Variants in NSUN6 observed in about 807,000 individuals in gnomAD.
NSUN6 encodes NOP2/Sun RNA methyltransferase 6, also known as tRNA (cytosine(72)-C(5))-methyltransferase NSUN6.
Under a neutral mutation model 58.0 loss-of-function variants are expected in NSUN6, and 64 were observed. The observed-to-expected ratio is 1.10, with a 90% confidence interval of 0.90 to 1.36. The LOEUF (loss-of-function observed/expected upper bound fraction) is 1.36, where lower values mean the gene tolerates loss of function less well. Ranked by LOEUF, NSUN6 falls within the 40% of genes most tolerant of loss-of-function variation. The pLI, the probability that NSUN6 is intolerant of heterozygous loss-of-function variation, is 0.00. For missense variants in NSUN6, 701 were observed against 550.1 expected, an observed-to-expected ratio of 1.27 and a Z score of -2.74; for synonymous variants, 231 against 193.9, an observed-to-expected ratio of 1.19 and a Z score of -1.59.
At chr10:18,649,201 C>T (rs958253354) in intron 1 of NSUN6, among the ~76,000 whole-genome samples, 1 of 152,068 alleles carries the variant, frequency 6.6e-6, no homozygotes, top group African/African-American at 2.4e-5. Context: ...TATATATTAT[C>T]CAAAAAAGAT....
rs542048960 is a variant in NSUN6, at chr10:18,553,324, T to G, written c.923-1353A>C. Reference sequence around the variant, plus strand: ...CCATTCCATGGAATGGAATGGGGAATGGTATGGAATGAAATGCAGAATGGA... The same window carrying G: ...CCATTCCATGGAATGGAATGGGGAAGGGTATGGAATGAAATGCAGAATGGA... On this transcript the variant is annotated intron_variant, in intron 8 of 10. Coordinates refer to ENST00000377304, the MANE Select transcript of NSUN6 (RefSeq NM_182543.5). Among the ~76,000 whole-genome samples, 5 of 150,622 alleles carry G rather than the reference T, an allele frequency of 3.3e-5. No individual in the cohort carries two copies. The South Asian group carries it at 1.0e-3, about 31-fold the overall frequency.
chr10:18,570,609 TTCCATTCCATTC>T lies in NSUN6; in HGVS notation c.922+15328_922+15339del, dbSNP rs569214617. 4.2e-3 allele frequency among the ~76,000 whole-genome samples: 574 copies of T among 137,202 alleles called. 4 individuals are homozygous for T. The highest frequency in any genetic ancestry group is 0.013 in the African/African-American group (522 of 40,118). 90.0% of individuals were successfully genotyped at this position (137,202 alleles called of 152,430 possible). On this transcript the variant is annotated intron_variant, in intron 8 of 10. Coordinates refer to ENST00000377304, the MANE Select transcript of NSUN6 (RefSeq NM_182543.5). ...ATTCTCCATTCCATTCCACTGTCCATTCCATTCCATTCTCCATTCCATTCCATTCTCCATACC... is the reference window on the plus strand; with the variant it reads ...ATTCTCCATTCCATTCCACTGTCCATTCCATTCCATTCCATTCTCCATACC...
intron 3 of NSUN6, among the ~76,000 whole-genome samples, chr10:18,624,516 C>T (rs1045661449): frequency 3.3e-5 from 5 of 151,180 alleles, no homozygotes; most frequent in Admixed American, 6.6e-5. Flanking sequence ...ATTAGCCGGG[C>T]ATGGTGGCAG....
chr10:18,649,151 G>C (rs1376937366), intron 1 of NSUN6, among the ~76,000 whole-genome samples: 1 of 152,018 alleles, frequency 6.6e-6, no homozygotes, highest in Non-Finnish European at 1.5e-5. Context: ...ATTCCCCTAG[G>C]ACATCAGCTT....
intron 8 of NSUN6, among the ~76,000 whole-genome samples, chr10:18,582,845 T>A (rs530188607): frequency 9.5e-4 from 145 of 152,284 alleles, no homozygotes; most frequent in African/African-American, 3.2e-3. Context: ...GCTGAAGGAA[T>A]ACAGTTTACT....
At chr10:18,658,685 C>T, upstream of NSUN6, 1 of 981,450 alleles carries the variant, frequency 1.0e-6, no homozygotes. Flanking sequence ...GGCTCGTCTC[C>T]CAATCAATTC....
At chr10:18,586,129 A>G (rs1052587602) in intron 7 of NSUN6, 36 bp from the exon 8 acceptor site, 1 of 1,489,956 alleles carries the variant, frequency 6.7e-7, no homozygotes, top group Admixed American at 2.4e-5. Flanking sequence ...GCAGAAAAAA[A>G]AAAAGAAAAT....
intron 7 of NSUN6, among the ~76,000 whole-genome samples, chr10:18,595,999 A>T (rs911000845): frequency 2.0e-5 from 3 of 152,214 alleles, no homozygotes; most frequent in African/African-American, 7.2e-5. Context: ...CATATAAGCA[A>T]ATTGTAAAAT....
chr10:18,642,606 C>CA, intron 2 of NSUN6, 51 bp from the exon 3 acceptor site: 1 of 903,594 alleles, frequency 1.1e-6, no homozygotes, highest in Non-Finnish European at 1.8e-6. Context: ...TGATACATTT[C>CA]AACTTATGGA....
At chr10:18,584,283 C>T (rs1023367193) in intron 8 of NSUN6, among the ~76,000 whole-genome samples, 2 of 152,220 alleles carry the variant, frequency 1.3e-5, no homozygotes, top group Non-Finnish European at 2.9e-5. Flanking sequence ...GCCCTGCCCT[C>T]GTTCACTTCC....
rs758406418 is a variant in NSUN6 at position 18,648,642 on chromosome 10, C to T, written c.79G>A (p.Val27Met). The T allele has an allele frequency of 3.9e-6, 6 of 1,544,692 alleles. No homozygotes were observed. In the East Asian group the frequency reaches 1.0e-4, roughly 26 times the overall value. Residue 27 changes from valine to methionine, a missense_variant, in exon 2 of 11, where the codon GTG (valine) becomes ATG (methionine). Val to Met is a conservative substitution (Grantham distance 21). Transcript: ENST00000377304. ...LKEGFMNKEI[V>M]TALGKQEAER... ...GCTTCTTGTTTACCTAAAGCAGTCA[C>T]AATCTAAAAAGAAGTTCATGTTTAA...
Position 18,602,240 on chromosome 10 carries a change from GT to G in NSUN6, c.658-5914del, listed in dbSNP as rs1010976107. Among the ~76,000 whole-genome samples, 72 of 135,666 alleles carry G rather than the reference GT, an allele frequency of 5.3e-4. 1 individual carries two copies. The highest frequency in any genetic ancestry group is 4.9e-3 in the East Asian group (22 of 4,534). 89.0% of individuals were successfully genotyped at this position (135,666 alleles called of 152,430 possible). Reference sequence around the variant, plus strand: ...ACCACACCCAGCTAATTTTTGTGGGGTTTTTTTTTTTGTTTTTTTTTGAGAC... The same window carrying G: ...ACCACACCCAGCTAATTTTTGTGGGGTTTTTTTTTTGTTTTTTTTTGAGAC... On this transcript the variant is annotated intron_variant, in intron 6 of 10. Transcript: ENST00000377304.
chr10:18,612,136 C>T (rs890885134), intron 5 of NSUN6, among the ~76,000 whole-genome samples: 4 of 152,128 alleles, frequency 2.6e-5, no homozygotes, highest in African/African-American at 9.7e-5. Context: ...AAAGCCAGTC[C>T]TGGCTGGGTG....
At chr10:18,657,763 G>A (rs1194711640), upstream of NSUN6, among the ~76,000 whole-genome samples, 1 of 151,976 alleles carries the variant, frequency 6.6e-6, no homozygotes, top group African/African-American at 2.4e-5. Context: ...ACAGGCGCGT[G>A]CCACCACACC....
At chr10:18,655,070 T>G (rs537108390), upstream of NSUN6, 21 of 982,894 alleles carry the variant, frequency 2.1e-5, no homozygotes, top group Non-Finnish European at 2.4e-5. Context: ...ACATTGGAAA[T>G]TAGCACTATA....
chr10:18,589,317 G>A (rs1453854361), intron 7 of NSUN6, among the ~76,000 whole-genome samples: 2 of 152,196 alleles, frequency 1.3e-5, no homozygotes, highest in African/African-American at 2.4e-5. Context: ...AAGTGACAGG[G>A]AGAATGGACC....
At chr10:18,622,014 C>CAT (rs10572337) in intron 3 of NSUN6, among the ~76,000 whole-genome samples, 2,833 of 151,108 alleles carry the variant, frequency 0.019, 35 homozygotes, top group Middle Eastern at 0.031. Flanking sequence ...CCTATTCACA[C>CAT]ATATATATAT....
chr10:18,578,337 G>A (rs547230439), intron 8 of NSUN6, among the ~76,000 whole-genome samples: 5 of 150,684 alleles, frequency 3.3e-5, no homozygotes, highest in African/African-American at 7.3e-5. Context: ...GGGTTCAAGC[G>A]ATTCTGCTCC....
intron 8 of NSUN6, among the ~76,000 whole-genome samples, chr10:18,558,714 A>T (rs12570794): frequency 0.32 from 43,794 of 137,496 alleles, 7,688 homozygotes; most frequent in East Asian, 0.7. Context: ...ATGGAATTGA[A>T]AGTGGAATGA....
Sources: allele counts gnomAD v4.1 joint callset (sites outside exome capture counted in the v4.1 genomes callset), GRCh38; gene constraint gnomAD v4.1.1; transcripts MANE v1.5; gene names NCBI Gene and HGNC (gene_info 2026-07-23, HGNC 2026-07-21).